Variants in LNX2 observed in about 807,000 individuals in gnomAD.
LNX2 encodes the protein ligand of Numb protein X 2.
Under a neutral mutation model 66.2 loss-of-function variants are expected in LNX2, and 35 were observed. The ratio of observed to expected loss-of-function variants is 0.53; its 90% CI spans 0.40 to 0.70. The LOEUF is 0.70. Ranked by LOEUF, LNX2 falls within the 30% of genes least tolerant of loss-of-function variation. LNX2 has a pLI of 0.00. For synonymous variants in LNX2, 337 were observed against 315.6 expected (o/e 1.07, Z -0.72); for missense variants, 791 against 850.8 (o/e 0.93, Z 0.87).
chr13:27,583,438 A>T (rs1237855899), intron 1 of LNX2, among the ~76,000 whole-genome samples: 1 of 152,006 alleles, frequency 6.6e-6, no homozygotes, highest in Non-Finnish European at 1.5e-5. Context: ...TTGTAATTTT[A>T]GTAGACACGG....
At chr13:27,615,151 G>C (rs553191755) in intron 1 of LNX2, among the ~76,000 whole-genome samples, 234 of 152,300 alleles carry the variant, frequency 1.5e-3, no homozygotes, top group African/African-American at 5.4e-3. Flanking sequence ...GACACCAGTC[G>C]CAAGTGCAGG....
chr13:27,575,506 G>A (rs999805309), intron 2 of LNX2, among the ~76,000 whole-genome samples: 3 of 152,186 alleles, frequency 2.0e-5, no homozygotes, highest in Admixed American at 1.3e-4. Flanking sequence ...GGTGGAGGAA[G>A]AAGAAATTCA....
intron 1 of LNX2, among the ~76,000 whole-genome samples, chr13:27,596,827 T>C (rs1955603727): frequency 6.6e-6 from 1 of 152,072 alleles, no homozygotes; most frequent in Non-Finnish European, 1.5e-5. Context: ...GGAAATACAA[T>C]TGAATAGAGC....
intron 3 of LNX2, 72 bp downstream of exon 3, chr13:27,568,957 A>C (rs2138360284): frequency 7.0e-7 from 1 of 1,433,732 alleles, no homozygotes; most frequent in Middle Eastern, 1.9e-4. Context: ...AGATGAAAAA[A>C]GTACATGTTG....
In LNX2 at chr13:27,546,204, A is replaced by G. The variant is rs1295039711; in HGVS notation, c.*2131T>C. The G allele has an allele frequency of 6.6e-6, 1 of 152,236 alleles. No homozygotes were observed. Among genetic ancestry groups the G allele is most frequent in the Non-Finnish European group, 1.5e-5 (1 of 68,032 alleles). 9.4% of individuals were successfully genotyped at this position (152,236 alleles called of 1,614,324 possible). A position where few individuals can be genotyped will look rare whatever the true frequency, so the allele number is the denominator to read the frequency against. On this transcript the variant is annotated 3_prime_UTR_variant, in exon 10 of 10. Coordinates refer to ENST00000316334, the MANE Select transcript of LNX2 (RefSeq NM_153371.4). ...TGAGAGTGAAGAAATTTCTTCTTTC[A>G]AAATACTCATTATGCCACCAGGTTC... is the stretch of plus-strand genomic sequence containing the variant.
At chr13:27,590,447 G>A (rs1177554013) in intron 1 of LNX2, among the ~76,000 whole-genome samples, 4 of 151,822 alleles carry the variant, frequency 2.6e-5, no homozygotes, top group Non-Finnish European at 5.9e-5. Context: ...TCGAACCCCT[G>A]ACCTCAAGTG....
chr13:27,562,497 C>G lies in LNX2; in HGVS notation c.1140G>C (p.Arg380Ser). ...LEGGLAAQDGRLSSNDRVLAI... is the reference protein window; with the variant it reads ...LEGGLAAQDGSLSSNDRVLAI... ...CCAGCACTCGGTCATTGCTGCTTAG[C>G]CTGCCGTCCTGGGCAGCCAACCCCC... Residue 380 changes from arginine to serine, a missense_variant, in exon 5 of 10, where the codon AGG becomes AGC. Physicochemically the swap from Arg to Ser is moderately radical, Grantham distance 110. Coordinates refer to ENST00000316334, the MANE Select transcript of LNX2 (RefSeq NM_153371.4). The G allele has an allele frequency of 6.2e-7, 1 of 1,614,172 alleles. No individual in the cohort carries two copies. The highest frequency in any genetic ancestry group is 8.5e-7 in the Non-Finnish European group (1 of 1,180,020).
chr13:27,574,249 A>G (rs1955318787), intron 2 of LNX2, among the ~76,000 whole-genome samples: 1 of 152,234 alleles, frequency 6.6e-6, no homozygotes, highest in East Asian at 1.9e-4. Flanking sequence ...GTTCAAGACC[A>G]GCCTGAACAA....
intron 5 of LNX2, among the ~76,000 whole-genome samples, chr13:27,560,300 A>G (rs1447389003): frequency 6.6e-6 from 1 of 152,136 alleles, no homozygotes; most frequent in Non-Finnish European, 1.5e-5. Flanking sequence ...TTCTTGTAAT[A>G]CTTCTTTGCA....
Position 27,569,190 on chromosome 13 carries a change from G to A in LNX2, c.494C>T (p.Pro165Leu). 3 of 1,612,562 alleles carry A rather than the reference G, an allele frequency of 1.9e-6. No homozygotes were observed. Among genetic ancestry groups the A allele is most frequent in the Non-Finnish European group, 2.5e-6 (3 of 1,179,372 alleles). Residue 165 changes from proline (P) to leucine (L), a missense_variant, in exon 3 of 10, where the codon CCC (proline) becomes CTC (leucine). By Grantham distance (98) the Pro-to-Leu change is moderately conservative. Coordinates refer to ENST00000316334, the MANE Select transcript of LNX2 (RefSeq NM_153371.4). Reference protein sequence around the residue: ...TQAEIENENGPTLLDPAGTLS... With the variant: ...TQAEIENENGLTLLDPAGTLS... ...GGTACCTGCAGGATCTAGTAGAGTG[G>A]GCCCATTTTCATTCTCAATCTCTGC...
intron 1 of LNX2, 113 bp from the exon 2 acceptor site, chr13:27,581,916 G>T: frequency 5.0e-6 from 2 of 397,680 alleles, no homozygotes; most frequent in Non-Finnish European, 4.4e-6. Context: ...ATTAAAGGTT[G>T]AATCAGGTAA....
At position 27,585,857 on chromosome 13, in the gene LNX2, C is replaced by T. The variant is rs1955479273; in HGVS notation, c.-100-4054G>A. The stretch of plus-strand genomic sequence containing the variant: ...AGTATTTAAGACGATTATATTTTAG[C>T]TACTTTCTAAATCTCTAAATAACTT... On this transcript the variant is annotated intron_variant, in intron 1 of 9. Transcript: ENST00000316334. Among the ~76,000 whole-genome samples, 3 of 151,954 alleles carry T rather than the reference C, an allele frequency of 2.0e-5. No homozygotes were observed. In the South Asian group the frequency reaches 6.2e-4, roughly 31 times the overall value.
chr13:27,583,203 T>TGCGCGCGCGC lies in LNX2; in HGVS notation c.-100-1401_-100-1400insGCGCGCGCGC, dbSNP rs1566124642. On this transcript the variant is annotated intron_variant, in intron 1 of 9. Transcript: ENST00000316334. ...GTGTGTGTGTGTGTGTGTGTGTGTG[T>TGCGCGCGCGC]GTGTGTGTGTGTGTGTGTGTGTGTG... Among the ~76,000 whole-genome samples, 20 of 16,510 alleles carry TGCGCGCGCGC rather than the reference T, an allele frequency of 1.2e-3. 2 individuals are homozygous for TGCGCGCGCGC. Among genetic ancestry groups the TGCGCGCGCGC allele is most frequent in the African/African-American group, 3.1e-3 (14 of 4,472 alleles). The allele number at this position is 16,510 out of a possible 152,430, so 10.8% of individuals were successfully genotyped here.
At chr13:27,610,566 GGAAACACTTCATGACA>G (rs1321812611) in intron 1 of LNX2, among the ~76,000 whole-genome samples, 6 of 152,052 alleles carry the variant, frequency 3.9e-5, no homozygotes, top group African/African-American at 1.4e-4. Flanking sequence ...AAAACATATT[GGAAACACTTCATGACA>G]CTGGATTTGG....
rs142978615 is a variant in LNX2 at position 27,555,639 on chromosome 13, T to G, written c.1546+597A>C. The stretch of plus-strand genomic sequence containing the variant: ...TATTTAGATCTTGCATCCATTATGA[T>G]TTAATTTGTGTTTATGGTGTGAGGT... On this transcript the variant is annotated intron_variant, in intron 7 of 9. Transcript: ENST00000316334. 7.2e-5 allele frequency among the ~76,000 whole-genome samples: 11 copies of G among 152,330 alleles called. No homozygotes were observed. The East Asian group carries it at 2.1e-3, about 29-fold the overall frequency.
rs530940055 is a variant in LNX2, at chr13:27,547,177, C to T, written c.*1158G>A. The T allele has an allele frequency of 4.6e-5, 7 of 152,218 alleles. No individual in the cohort carries two copies. In the South Asian group the frequency reaches 8.3e-4, roughly 18 times the overall value. The allele number at this position is 152,218 out of a possible 1,614,324, so 9.4% of individuals were successfully genotyped here. A position where few individuals can be genotyped will look rare whatever the true frequency, so the allele number is the denominator to read the frequency against. Reference sequence around the variant, plus strand: ...TTTTATCTTTATCATTTCGTTTAATCGCATAAATCACAAAAACATTTCTAG... The same window carrying T: ...TTTTATCTTTATCATTTCGTTTAATTGCATAAATCACAAAAACATTTCTAG... On this transcript the variant is annotated 3_prime_UTR_variant, in exon 10 of 10. Coordinates refer to ENST00000316334, the MANE Select transcript of LNX2 (RefSeq NM_153371.4).
chr13:27,590,986 GTGTGTGTGTATATATA>G (rs1348743788), intron 1 of LNX2, among the ~76,000 whole-genome samples: 20 of 151,844 alleles, frequency 1.3e-4, no homozygotes, highest in African/African-American at 4.8e-4. Flanking sequence ...ACATATATAT[GTGTGTGTGTATATATA>G]TGTGTGTGTA....
intron 6 of LNX2, among the ~76,000 whole-genome samples, chr13:27,558,914 A>G (rs1171316490): frequency 6.6e-6 from 1 of 152,118 alleles, no homozygotes; most frequent in African/African-American, 2.4e-5. Flanking sequence ...ACAGACTCCA[A>G]AGCTAATTAT....
At position 27,569,121 on chromosome 13, in the gene LNX2, A is replaced by G; in HGVS notation, c.563T>C (p.Val188Ala). The change falls in exon 3 of 10, where the codon GTG (valine) becomes GCG (alanine). Residue 188 changes from valine (V) to alanine (A), a missense_variant. Val to Ala is a moderately conservative substitution (Grantham distance 64). Transcript: ENST00000316334. ...AGACGCTGATGTCAAGTGCCGCTCC[A>G]CAGGCACTGCGCCTGTCCCCAAACA... is the stretch of plus-strand genomic sequence containing the variant. ...ADCLGTGAVP[V>A]ERHLTSASLS... 6.2e-7 allele frequency: 1 copy of G among 1,613,290 alleles called. No homozygotes were observed. The highest frequency in any genetic ancestry group is 8.5e-7 in the Non-Finnish European group (1 of 1,179,740).
Sources: allele counts gnomAD v4.1 joint callset (sites outside exome capture counted in the v4.1 genomes callset), GRCh38; gene constraint gnomAD v4.1.1; transcripts MANE v1.5; gene names NCBI Gene and HGNC (gene_info 2026-07-23, HGNC 2026-07-21).